DTNA: variants seen among roughly 807,000 people sequenced by gnomAD.
The protein encoded by DTNA is dystrobrevin alpha.
Under a neutral mutation model 100.7 loss-of-function variants are expected in DTNA, and 43 were observed. That is an observed-to-expected ratio of 0.43 (90% CI 0.33 to 0.55). DTNA has a LOEUF of 0.55. Among genes scored for constraint, DTNA ranks in the 20% least tolerant of loss-of-function variants. DTNA has a pLI of 0.04. For missense variants in DTNA, 798 were observed against 953.9 expected (o/e 0.84, Z 2.15); for synonymous variants, 349 against 347.9 (o/e 1.00, Z -0.04).
At chr18:34,572,086 G>T (rs1040070963) in intron 1 of DTNA, among the ~76,000 whole-genome samples, 1 of 152,134 alleles carries the variant, frequency 6.6e-6, no homozygotes, top group Non-Finnish European at 1.5e-5. Context: ...AATCAAGAGA[G>T]ACTGGGGAAG....
At chr18:34,787,243 A>G (rs1029699065) in intron 3 of DTNA, among the ~76,000 whole-genome samples, 5 of 152,300 alleles carry the variant, frequency 3.3e-5, no homozygotes, top group East Asian at 3.9e-4. Context: ...GCCCTTTGAA[A>G]ACCTTCTAAA....
chr18:34,882,219 C>T lies in DTNA; in HGVS notation c.2295+18C>T. ...CTTATCAGGTACAGGGATCCAGGCCCACCCCACCCCACCTCTTCTGCCTCA... is the reference window on the plus strand; with the variant it reads ...CTTATCAGGTACAGGGATCCAGGCCTACCCCACCCCACCTCTTCTGCCTCA... On this transcript the variant is annotated intron_variant, in intron 21 of 22. Transcript: ENST00000444659. 1 of 1,613,056 alleles carries T rather than the reference C, an allele frequency of 6.2e-7. No individual in the cohort carries two copies. Among genetic ancestry groups the T allele is most frequent in the South Asian group, 1.1e-5 (1 of 90,940 alleles).
chr18:34,660,555 C>T (rs1048736581), intron 1 of DTNA, among the ~76,000 whole-genome samples: 2 of 151,988 alleles, frequency 1.3e-5, no homozygotes, highest in African/African-American at 2.4e-5. Flanking sequence ...CTTCCCTTTC[C>T]AGGTCTTTTT....
rs186724331 is a variant in DTNA, at chr18:34,793,169, A to G, written c.149-868A>G. ...GAAGTTTGCAACAGAAAGCAAATCA[A>G]TAGTTGCCTGGAACAGGGAATGAGG... On this transcript the variant is annotated intron_variant, in intron 3 of 22. Coordinates refer to ENST00000444659, the MANE Select transcript of DTNA (RefSeq NM_001386795.1). Among the ~76,000 whole-genome samples, 21 of 152,370 alleles carry G rather than the reference A, an allele frequency of 1.4e-4. No individual in the cohort carries two copies. The East Asian group carries it at 2.9e-3, about 21-fold the overall frequency.
Position 34,827,684 on chromosome 18 carries a change from C to T in DTNA, c.1085+8C>T. On this transcript the variant is annotated splice_region_variant and intron_variant, in intron 10 of 22. Coordinates refer to ENST00000444659, the MANE Select transcript of DTNA (RefSeq NM_001386795.1). ...TCCTTTTATTACCAGGAGGTAAGTTCCAACCCTATTATAAAATAAGCCCTT... is the reference window on the plus strand; with the variant it reads ...TCCTTTTATTACCAGGAGGTAAGTTTCAACCCTATTATAAAATAAGCCCTT... 1 of 1,612,166 alleles carries T rather than the reference C, an allele frequency of 6.2e-7. No individual in the cohort carries two copies. Among genetic ancestry groups the T allele is most frequent in the Non-Finnish European group, 8.5e-7 (1 of 1,178,270 alleles).
At chr18:34,504,911 C>G (rs1377294298) in intron 1 of DTNA, among the ~76,000 whole-genome samples, 1 of 152,120 alleles carries the variant, frequency 6.6e-6, no homozygotes, top group African/African-American at 2.4e-5. Context: ...CATTTTTTAG[C>G]AATTTTTCAG....
At chr18:34,664,768 T>G (rs562174714) in intron 1 of DTNA, among the ~76,000 whole-genome samples, 1 of 152,226 alleles carries the variant, frequency 6.6e-6, no homozygotes, top group South Asian at 2.1e-4. Context: ...AATTTATAAA[T>G]AAATATTTTT....
chr18:34,769,724 G>GTTTTTTTTTTTT (rs1264439291), intron 3 of DTNA, among the ~76,000 whole-genome samples: 1 of 41,416 alleles, frequency 2.4e-5, no homozygotes, highest in Non-Finnish European at 6.6e-5. Flanking sequence ...GCCCTCTGGG[G>GTTTTTTTTTTTT]CTTTTTTTTT....
intron 1 of DTNA, among the ~76,000 whole-genome samples, chr18:34,743,927 T>A (rs1323379500): frequency 6.6e-6 from 1 of 151,904 alleles, no homozygotes; most frequent in African/African-American, 2.4e-5. Context: ...CCCTCTCATC[T>A]TCCTTATCTC....
chr18:34,699,938 A>AG (rs1377629471), intron 1 of DTNA, among the ~76,000 whole-genome samples: 1 of 152,202 alleles, frequency 6.6e-6, no homozygotes, highest in African/African-American at 2.4e-5. Context: ...AAAAGTTCAA[A>AG]GGTTATACTC....
At chr18:34,650,812 A>G (rs1279187576) in intron 1 of DTNA, among the ~76,000 whole-genome samples, 3 of 152,202 alleles carry the variant, frequency 2.0e-5, no homozygotes, top group East Asian at 1.9e-4. Context: ...AATACAGAAT[A>G]TAGTTATTCT....
intron 1 of DTNA, among the ~76,000 whole-genome samples, chr18:34,715,055 T>G (rs1393344180): frequency 1.5e-5 from 1 of 64,730 alleles, no homozygotes. Context: ...TGGGGACTGT[T>G]GTGGGATGGG....
At chr18:34,782,111 A>C (rs1198672703) in intron 3 of DTNA, among the ~76,000 whole-genome samples, 2 of 152,224 alleles carry the variant, frequency 1.3e-5, no homozygotes, top group East Asian at 3.8e-4. Context: ...GAAAGCTTCT[A>C]AAGATTATGT....
At chr18:34,655,183 A>G (rs1202732882) in intron 1 of DTNA, among the ~76,000 whole-genome samples, 1 of 152,210 alleles carries the variant, frequency 6.6e-6, no homozygotes, top group African/African-American at 2.4e-5. Context: ...GTAAACTGCT[A>G]GGTTCAAGAG....
At chr18:34,716,291 G>A (rs570956767) in intron 1 of DTNA, among the ~76,000 whole-genome samples, 12 of 152,172 alleles carry the variant, frequency 7.9e-5, no homozygotes, top group South Asian at 2.1e-4. Flanking sequence ...GCCGGGCACC[G>A]TGGCTCACAC....
chr18:34,631,952 A>C (rs1186512133), intron 1 of DTNA, among the ~76,000 whole-genome samples: 2 of 152,214 alleles, frequency 1.3e-5, no homozygotes, highest in African/African-American at 4.8e-5. Flanking sequence ...CATTTGGCAG[A>C]TAAGTTTTTT....
In DTNA at chr18:34,796,118, C is replaced by T. The variant is rs142818789; in HGVS notation, c.362+1868C>T. Among the ~76,000 whole-genome samples the T allele has an allele frequency of 2.0e-5, 3 of 152,332 alleles. No individual in the cohort carries two copies. The East Asian group carries it at 5.8e-4, about 29-fold the overall frequency. Reference sequence around the variant, plus strand: ...TGTAGTAGATTTATAAACACATCCACATAGACAAATTTCACTGCAAAGATT... The same window carrying T: ...TGTAGTAGATTTATAAACACATCCATATAGACAAATTTCACTGCAAAGATT... On this transcript the variant is annotated intron_variant, in intron 4 of 22. Coordinates refer to ENST00000444659, the MANE Select transcript of DTNA (RefSeq NM_001386795.1).
At chr18:34,853,280 C>T (rs1413097550) in intron 15 of DTNA, among the ~76,000 whole-genome samples, 1 of 152,176 alleles carries the variant, frequency 6.6e-6, no homozygotes. Flanking sequence ...AAAACATTTC[C>T]ATGCTTAACC....
chr18:34,879,470 T>C (rs1274358360), intron 19 of DTNA, 81 bp from the exon 20 acceptor site: 3 of 1,414,726 alleles, frequency 2.1e-6, no homozygotes, highest in Non-Finnish European at 3.0e-6. Flanking sequence ...CACAGGTTGA[T>C]TTGTGAAGCC....
Sources: gnomAD v4.1 joint callset for allele counts (sites outside exome capture counted in the v4.1 genomes callset) on GRCh38, gnomAD v4.1.1 for gene constraint, MANE v1.5 for transcripts, NCBI Gene and HGNC (gene_info 2026-07-23, HGNC 2026-07-21) for gene names.